OVCH1: variants seen among roughly 807,000 people sequenced by gnomAD.
The protein encoded by OVCH1 is ovochymase-1.
A neutral mutation model predicts 138.4 loss-of-function variants in OVCH1; 139 were observed. The ratio of observed to expected loss-of-function variants is 1.00; its 90% CI spans 0.87 to 1.16. The LOEUF (loss-of-function observed/expected upper bound fraction) is 1.16, where lower values mean the gene tolerates loss of function less well. Among genes scored for constraint, OVCH1 ranks in the 50% most tolerant of loss-of-function variants. The probability of loss-of-function intolerance (pLI) is 0.00; values close to 1 mark genes in which losing one functional copy is unlikely to be tolerated. For missense variants in OVCH1, 1,367 were observed against 1,357.9 expected, an observed-to-expected ratio of 1.01 and a Z score of -0.11; for synonymous variants, 453 against 467.8, an observed-to-expected ratio of 0.97 and a Z score of 0.41.
At chr12:29,444,220 G>A (rs763240818) in exon 24 of OVCH1, 1 of 1,612,422 alleles carries the variant, frequency 6.2e-7, no homozygotes, top group Admixed American at 1.7e-5. Flanking sequence ...ATCCTCACAA[G>A]GGACCAAGTG....
chr12:29,462,219 C>G (rs534496911), intron 18 of OVCH1, among the ~76,000 whole-genome samples: 1 of 152,186 alleles, frequency 6.6e-6, no homozygotes, highest in Admixed American at 6.5e-5. Context: ...AAAGAGAGGC[C>G]ACTGGCAGGA....
At chr12:29,418,349 G>A (rs1465805555) in intron 3 of OVCH1, among the ~76,000 whole-genome samples, 2 of 152,090 alleles carry the variant, frequency 1.3e-5, no homozygotes, top group Admixed American at 6.5e-5. Flanking sequence ...CTAAGTATTT[G>A]GAGTAACTTC....
rs562598356 is a variant in OVCH1 at position 29,446,914 on chromosome 12, G to A, written c.2756-1511C>T. Among the ~76,000 whole-genome samples the A allele has an allele frequency of 3.3e-5, 5 of 151,046 alleles. No homozygotes were observed. The East Asian group carries it at 7.8e-4, about 23-fold the overall frequency. Reference sequence around the variant, plus strand: ...AAAATCAAAGATCAAAGACATGTACGGATACATTTAAACAACTAAATTAAA... The same window carrying A: ...AAAATCAAAGATCAAAGACATGTACAGATACATTTAAACAACTAAATTAAA... On this transcript the variant is annotated intron_variant, in intron 22 of 27. Transcript: ENST00000318184.
At chr12:29,421,895 T>C (rs1050407629) in intron 3 of OVCH1, among the ~76,000 whole-genome samples, 6 of 152,146 alleles carry the variant, frequency 3.9e-5, no homozygotes, top group African/African-American at 1.2e-4. Flanking sequence ...AAAAAGTTTC[T>C]AGCACAGTGG....
chr12:29,403,269 AC>A, the OVCH1 span, among the ~76,000 whole-genome samples: 1 of 152,206 alleles, frequency 6.6e-6, no homozygotes, highest in Non-Finnish European at 1.5e-5. Flanking sequence ...TAATTTAATC[AC>A]AATATTGAGT....
chr12:29,472,982 T>C (rs1942566406), intron 15 of OVCH1, 47 bp downstream of exon 15: 6 of 1,497,074 alleles, frequency 4.0e-6, no homozygotes, highest in Admixed American at 1.8e-5. Context: ...ATCTAGTTAA[T>C]GAAGAAACAA....
chr12:29,496,236 A>G, exon 3 of OVCH1: 1 of 1,609,508 alleles, frequency 6.2e-7, no homozygotes, highest in Non-Finnish European at 8.5e-7. Context: ...TCTTGAATCA[A>G]GCTTCCTCCA....
chr12:29,403,503 C>T, the OVCH1 span, among the ~76,000 whole-genome samples: 2 of 152,130 alleles, frequency 1.3e-5, no homozygotes, highest in Admixed American at 1.3e-4. Context: ...GGCTCCTATT[C>T]ATTTTATATT....
chr12:29,418,120 G>T (rs1941056942), intron 3 of OVCH1, among the ~76,000 whole-genome samples: 1 of 152,182 alleles, frequency 6.6e-6, no homozygotes, highest in Non-Finnish European at 1.5e-5. Context: ...CTAAGTAGGT[G>T]GGCAGGGTAC....
chr12:29,476,521 A>G (rs1278474327), intron 12 of OVCH1, among the ~76,000 whole-genome samples: 1 of 152,182 alleles, frequency 6.6e-6, no homozygotes, highest in African/African-American at 2.4e-5. Flanking sequence ...GGAATTATAC[A>G]TATCCACATG....
chr12:29,470,395 C>G (rs1285086104), intron 16 of OVCH1, among the ~76,000 whole-genome samples: 1 of 151,888 alleles, frequency 6.6e-6, no homozygotes, highest in African/African-American at 2.4e-5. Context: ...TCTCCCAACC[C>G]CTGTGTTTTT....
At chr12:29,448,280 C>A (rs1379297743) in intron 22 of OVCH1, among the ~76,000 whole-genome samples, 1 of 151,166 alleles carries the variant, frequency 6.6e-6, no homozygotes, top group African/African-American at 2.4e-5. Flanking sequence ...TGCTGTGTGG[C>A]CTAGTTCCTA....
intron 26 of OVCH1, among the ~76,000 whole-genome samples, chr12:29,435,280 A>T (rs1198989574): frequency 6.6e-6 from 1 of 152,040 alleles, no homozygotes; most frequent in Non-Finnish European, 1.5e-5. Flanking sequence ...GCTTGAGCCC[A>T]GGAGTTCAAG....
intron 26 of OVCH1, chr12:29,439,192 C>A: frequency 1.5e-6 from 1 of 666,498 alleles, no homozygotes; most frequent in Non-Finnish European, 2.1e-6. Flanking sequence ...AATATGCCAC[C>A]CCTAGAAGCT....
chr12:29,490,029 A>G (rs1262479987), intron 5 of OVCH1, among the ~76,000 whole-genome samples: 1 of 152,132 alleles, frequency 6.6e-6, no homozygotes, highest in Non-Finnish European at 1.5e-5. Flanking sequence ...ATGTTTCCCC[A>G]AAAGAGGAAA....
intron 20 of OVCH1, 76 bp from the exon 21 acceptor site, chr12:29,455,009 C>A: frequency 7.7e-7 from 1 of 1,302,332 alleles, no homozygotes; most frequent in East Asian, 2.5e-5. Flanking sequence ...AAAGCAGCCA[C>A]TATCAAAAGA....
chr12:29,456,109 G>A (rs77711264), intron 19 of OVCH1, among the ~76,000 whole-genome samples: 5,799 of 152,132 alleles, frequency 0.038, 333 homozygotes, highest in African/African-American at 0.13. Flanking sequence ...AGACTTTAAG[G>A]GCCAAACTAA....
At chr12:29,419,146 C>G (rs892441920) in intron 3 of OVCH1, among the ~76,000 whole-genome samples, 1 of 152,140 alleles carries the variant, frequency 6.6e-6, no homozygotes, top group African/African-American at 2.4e-5. Flanking sequence ...GTGTGAACCA[C>G]CATGCCCAGT....
rs377272389 is a variant in OVCH1 at position 29,417,006 on chromosome 12, A to G, written c.*72-4281T>C. Among the ~76,000 whole-genome samples the G allele has an allele frequency of 3.4e-4, 52 of 152,366 alleles. 1 individual carries two copies. The South Asian group carries it at 0.01, about 30-fold the overall frequency. ...AATGAACTATCAAAAGGAAAGAACT[A>G]TTGAACAAGCACAGTACAACTTGGA... is the stretch of plus-strand genomic sequence containing the variant. On this transcript the variant is annotated intron_variant and NMD_transcript_variant, in intron 3 of 4. Transcript: ENST00000539117.
Sources: gnomAD v4.1 joint callset for allele counts (sites outside exome capture counted in the v4.1 genomes callset) on GRCh38, gnomAD v4.1.1 for gene constraint, MANE v1.5 for transcripts, NCBI Gene and HGNC (gene_info 2026-07-23, HGNC 2026-07-21) for gene names.